The following ZNF829 variants were observed in gnomAD, a reference collection of about 807,000 sequenced individuals.
The protein encoded by ZNF829 is zinc finger protein 829.
In ZNF829, 25 loss-of-function variants were observed where a neutral mutation model predicts 35.2. The ratio of observed to expected loss-of-function variants is 0.71; its 90% CI spans 0.52 to 0.99. ZNF829 has a LOEUF of 0.99. ZNF829 is among the 50% of genes least tolerant of loss of function. The probability of loss-of-function intolerance (pLI) is 0.00; values close to 1 mark genes in which losing one functional copy is unlikely to be tolerated. For synonymous variants in ZNF829, 136 were observed against 163.2 expected (o/e 0.83, Z 1.27); for missense variants, 417 against 515.3 (o/e 0.81, Z 1.85).
At chr19:36,908,994 C>G (rs1345047008) in intron 3 of ZNF829, among the ~76,000 whole-genome samples, 2 of 152,136 alleles carry the variant, frequency 1.3e-5, no homozygotes, top group African/African-American at 4.8e-5. Context: ...AATTTTAAAT[C>G]TGCAGGGAAT....
At position 36,895,152 on chromosome 19, in the gene ZNF829, G is replaced by T. The variant is rs1490928201; in HGVS notation, c.320-2681C>A. Among the ~76,000 whole-genome samples, 4 of 152,210 alleles carry T rather than the reference G, an allele frequency of 2.6e-5. 1 individual carries two copies. Among genetic ancestry groups the T allele is most frequent in the Admixed American group, 2.0e-4 (3 of 15,262 alleles). On this transcript the variant is annotated intron_variant, in intron 5 of 5. Transcript: ENST00000391711. The stretch of plus-strand genomic sequence containing the variant: ...CCTTGGCAGAAACCTTCCATGCCAG[G>T]AAAGAATGGGATGATATATTCAAAG...
At chr19:36,907,223 T>C (rs927004186) in intron 5 of ZNF829, 3 of 150,752 alleles carry the variant, frequency 2.0e-5, no homozygotes, top group Non-Finnish European at 4.4e-5. Flanking sequence ...ATAAACATAA[T>C]GTTGAGCAAA....
At position 36,891,324 on chromosome 19, in the gene ZNF829, C is replaced by G. The variant is rs757550264; in HGVS notation, c.*168G>C. ...CTCTAAACTATGAGAGAATAAATTT[C>G]TCTTGTTTTAAGCCACCAAGGTTTT... On this transcript the variant is annotated 3_prime_UTR_variant, in exon 6 of 6. Transcript: ENST00000391711. The G allele has an allele frequency of 1.4e-4, 89 of 616,958 alleles. No individual in the cohort carries two copies. Among genetic ancestry groups the G allele is most frequent in the Admixed American group, 2.9e-4 (8 of 27,356 alleles). 38.2% of individuals were successfully genotyped at this position (616,958 alleles called of 1,614,324 possible).
Position 36,891,358 on chromosome 19 carries a change from G to A in ZNF829, c.*134C>T. 1 of 887,010 alleles carries A rather than the reference G, an allele frequency of 1.1e-6. No homozygotes were observed. Among genetic ancestry groups the A allele is most frequent in the Non-Finnish European group, 1.6e-6 (1 of 621,170 alleles). The allele number at this position is 887,010 out of a possible 1,614,324, so 54.9% of individuals were successfully genotyped here. A position where few individuals can be genotyped will look rare whatever the true frequency, so the allele number is the denominator to read the frequency against. ...TAAGCCACCAAGGTTTTGGTACTTGGTACTTTGTTATCGTATCGTTTAAAA... is the reference window on the plus strand; with the variant it reads ...TAAGCCACCAAGGTTTTGGTACTTGATACTTTGTTATCGTATCGTTTAAAA... On this transcript the variant is annotated 3_prime_UTR_variant, in exon 6 of 6. Transcript: ENST00000391711.
intron 5 of ZNF829, among the ~76,000 whole-genome samples, chr19:36,902,775 C>T (rs538380351): frequency 1.3e-5 from 2 of 152,308 alleles, no homozygotes; most frequent in East Asian, 3.9e-4. Context: ...GTGGCTCACG[C>T]CTATAATCCC....
intron 5 of ZNF829, among the ~76,000 whole-genome samples, chr19:36,896,077 T>C (rs10426077): frequency 0.069 from 10,510 of 152,076 alleles, 910 homozygotes; most frequent in African/African-American, 0.2. Context: ...TTTGGGAGGC[T>C]GAGGCAGGCA....
Position 36,908,225 on chromosome 19 carries a change from G to T in ZNF829, c.223+108C>A, listed in dbSNP as rs1305520652. ...ATTTTAACTCAAACCATTCCTTAGG[G>T]AACAGGGAGCAGAAATTCAGCTGGT... On this transcript the variant is annotated intron_variant, in intron 4 of 5. Transcript: ENST00000391711. 9 of 1,454,854 alleles carry T rather than the reference G, an allele frequency of 6.2e-6. No homozygotes were observed. The Admixed American group carries it at 1.2e-4, about 20-fold the overall frequency. 90.1% of individuals were successfully genotyped at this position (1,454,854 alleles called of 1,614,324 possible). A position where few individuals can be genotyped will look rare whatever the true frequency, so the allele number is the denominator to read the frequency against.
rs976991455 is a variant in ZNF829 at position 36,889,703 on chromosome 19, T to C, written c.*1789A>G. ...TCTAGCTAGTGGTCTGTCAGTTTTA[T>C]CTTTGCAAAGAACCAACTTTTTCTT... On this transcript the variant is annotated 3_prime_UTR_variant, in exon 6 of 6. Coordinates refer to ENST00000391711, the MANE Select transcript of ZNF829 (RefSeq NM_001037232.4). 1 of 152,188 alleles carries C rather than the reference T, an allele frequency of 6.6e-6. No individual in the cohort carries two copies. Among genetic ancestry groups the C allele is most frequent in the African/African-American group, 2.4e-5 (1 of 41,446 alleles). The allele number at this position is 152,188 out of a possible 1,614,324, so 9.4% of individuals were successfully genotyped here.
chr19:36,903,835 AG>A (rs1306951445), intron 5 of ZNF829, among the ~76,000 whole-genome samples: 1 of 152,000 alleles, frequency 6.6e-6, no homozygotes, highest in Non-Finnish European at 1.5e-5. Context: ...ACTGCACTCC[AG>A]CCTGGGCAAC....
intron 5 of ZNF829, among the ~76,000 whole-genome samples, chr19:36,895,169 T>C (rs1333004612): frequency 1.3e-5 from 2 of 152,004 alleles, no homozygotes; most frequent in Non-Finnish European, 2.9e-5. Flanking sequence ...TGGGATGATA[T>C]ATTCAAAGTG....
At position 36,892,958 on chromosome 19, in the gene ZNF829, C is replaced by T. The variant is rs1162437878; in HGVS notation, c.320-487G>A. 5 of 539,068 alleles carry T rather than the reference C, an allele frequency of 9.3e-6. No homozygotes were observed. In the South Asian group the frequency reaches 2.5e-4, roughly 27 times the overall value. 33.4% of individuals were successfully genotyped at this position (539,068 alleles called of 1,614,324 possible). A position where few individuals can be genotyped will look rare whatever the true frequency, so the allele number is the denominator to read the frequency against. ...GGAGGAGGACAGGCCAGCAGGATGC[C>T]GCTTCTGCTCCAGGGCATGCACCAT... On this transcript the variant is annotated intron_variant, in intron 5 of 5. Coordinates refer to ENST00000391711, the MANE Select transcript of ZNF829 (RefSeq NM_001037232.4).
Position 36,892,393 on chromosome 19 carries a change from T to A in ZNF829, c.398A>T (p.Asp133Val), listed in dbSNP as rs554001931. The change falls in exon 6 of 6, where the codon GAC becomes GTC. Residue 133 changes from aspartate to valine, a missense_variant. Transcript: ENST00000391711. Reference sequence around the variant, plus strand: ...TGTGGGCTGAATAAAAGTAGACATGTCTTCACGGGTAATTATTACTTGACT... The same window carrying A: ...TGTGGGCTGAATAAAAGTAGACATGACTTCACGGGTAATTATTACTTGACT... ...HFSQVIITRE[D>V]MSTFIQPTFL... 1 of 1,612,582 alleles carries A rather than the reference T, an allele frequency of 6.2e-7. No homozygotes were observed. The highest frequency in any genetic ancestry group is 8.5e-7 in the Non-Finnish European group (1 of 1,179,836).
At chr19:36,915,081 G>A in intron 2 of ZNF829, 49 bp downstream of exon 2, 1 of 1,613,990 alleles carries the variant, frequency 6.2e-7, no homozygotes, top group Non-Finnish European at 8.5e-7. Flanking sequence ...GGTTTTTCTT[G>A]GTACCCAGAT....
At position 36,891,730 on chromosome 19, in the gene ZNF829, C is replaced by T. The variant is rs1221815900; in HGVS notation, c.1061G>A (p.Cys354Tyr). 29 of 1,613,976 alleles carry T rather than the reference C, an allele frequency of 1.8e-5. No homozygotes were observed. The highest frequency in any genetic ancestry group is 2.3e-5 in the Non-Finnish European group (27 of 1,179,968). The change falls in exon 6 of 6, where the codon TGT becomes TAT. Residue 354 changes from cysteine to tyrosine, a missense_variant. Transcript: ENST00000391711. ...RIHAGEKLYE[C>Y]EECRKAFIQS... ...AATAAAGGCCTTTCTACATTCTTCACATTCATAGAGCTTCTCACCAGCATG... is the reference window on the plus strand; with the variant it reads ...AATAAAGGCCTTTCTACATTCTTCATATTCATAGAGCTTCTCACCAGCATG...
chr19:36,893,137 G>A, intron 5 of ZNF829: 1 of 396,150 alleles, frequency 2.5e-6, no homozygotes, highest in African/African-American at 2.1e-5. Context: ...AAATGTCGGG[G>A]GCGGGTGGAG....
intron 3 of ZNF829, among the ~76,000 whole-genome samples, chr19:36,911,905 T>C (rs753163919): frequency 3.9e-5 from 6 of 152,188 alleles, no homozygotes; most frequent in Non-Finnish European, 4.4e-5. Flanking sequence ...ATGCTGTGCA[T>C]ATCCCAGGAA....
At chr19:36,902,024 G>A in intron 5 of ZNF829, 1 of 651,462 alleles carries the variant, frequency 1.5e-6, no homozygotes, top group East Asian at 2.8e-5. Context: ...ACGTAATGGG[G>A]ATGAAGATTC....
intron 5 of ZNF829, among the ~76,000 whole-genome samples, chr19:36,903,127 C>T (rs16971771): frequency 0.16 from 24,347 of 152,106 alleles, 2,466 homozygotes; most frequent in African/African-American, 0.28. Flanking sequence ...TAGTCAACTT[C>T]AAGAAAATGG....
intron 5 of ZNF829, among the ~76,000 whole-genome samples, chr19:36,900,847 G>GA (rs59848712): frequency 0.34 from 29,746 of 88,764 alleles, 4,329 homozygotes; most frequent in Non-Finnish European, 0.42. Context: ...GACTGTCTCA[G>GA]AAAAAAAAAA....
Sources: allele counts gnomAD v4.1 joint callset (sites outside exome capture counted in the v4.1 genomes callset), GRCh38; gene constraint gnomAD v4.1.1; transcripts MANE v1.5; gene names NCBI Gene and HGNC (gene_info 2026-07-23, HGNC 2026-07-21).